PICALM: variants seen among roughly 807,000 people sequenced by gnomAD.
PICALM encodes phosphatidylinositol-binding clathrin assembly protein.
In PICALM, 40 loss-of-function variants were observed where a neutral mutation model predicts 80.5. That is an observed-to-expected ratio of 0.50 (90% CI 0.39 to 0.65). The LOEUF (loss-of-function observed/expected upper bound fraction) is 0.65, where lower values mean the gene tolerates loss of function less well. PICALM is among the 30% of genes least tolerant of loss of function. The pLI is 0.00. For missense variants in PICALM, 676 were observed against 778.9 expected, an observed-to-expected ratio of 0.87 and a Z score of 1.57; for synonymous variants, 288 against 260.3, an observed-to-expected ratio of 1.11 and a Z score of -1.02.
intron 13 of PICALM, 50 bp downstream of exon 13, chr11:85,990,200 G>A (rs1165983018): frequency 9.5e-7 from 1 of 1,055,246 alleles, no homozygotes; most frequent in Non-Finnish European, 1.4e-6. Context: ...GTAAAATATA[G>A]TTAGGCAGTA....
intron 8 of PICALM, among the ~76,000 whole-genome samples, chr11:86,004,599 C>T (rs2095237629): frequency 1.3e-5 from 2 of 151,780 alleles, no homozygotes; most frequent in Non-Finnish European, 2.9e-5. Context: ...CAAAAGGAAA[C>T]CTTTTCAGTG....
intron 2 of PICALM, among the ~76,000 whole-genome samples, chr11:86,028,692 T>A (rs1358760071): frequency 1.3e-5 from 2 of 152,160 alleles, no homozygotes; most frequent in Non-Finnish European, 2.9e-5. Flanking sequence ...CTGCCTCATG[T>A]TAAGGGTCTA....
chr11:86,007,332 A>G, intron 8 of PICALM: 1 of 318,784 alleles, frequency 3.1e-6, no homozygotes, highest in Non-Finnish European at 6.0e-6. Flanking sequence ...AAATGGTATG[A>G]CAGTGGGTAG....
At chr11:86,038,778 G>GAA (rs1186856161) in intron 1 of PICALM, among the ~76,000 whole-genome samples, 2 of 129,562 alleles carry the variant, frequency 1.5e-5, no homozygotes, top group African/African-American at 2.8e-5. Flanking sequence ...CTCCATCTCA[G>GAA]AAAAAAAAAA....
intron 16 of PICALM, among the ~76,000 whole-genome samples, 189 bp downstream of exon 16, chr11:85,981,556 G>T (rs1057150822): frequency 1.3e-5 from 2 of 151,296 alleles, no homozygotes. Flanking sequence ...GCAGTGGGCC[G>T]AGATTGCGCC....
chr11:86,053,362 T>A (rs543576409), intron 1 of PICALM, among the ~76,000 whole-genome samples: 1 of 152,242 alleles, frequency 6.6e-6, no homozygotes, highest in African/African-American at 2.4e-5. Flanking sequence ...AATCAGACTA[T>A]GTCTGGATGT....
intron 3 of PICALM, among the ~76,000 whole-genome samples, chr11:86,024,214 A>AT (rs1232984242): frequency 1.3e-5 from 2 of 151,694 alleles, no homozygotes; most frequent in Non-Finnish European, 2.9e-5. Context: ...TACTGTTTTA[A>AT]TTTTTTTTCC....
chr11:86,019,698 G>A (rs1046447779), intron 4 of PICALM, among the ~76,000 whole-genome samples: 2 of 152,068 alleles, frequency 1.3e-5, no homozygotes, highest in African/African-American at 2.4e-5. Context: ...TTTACTTTAG[G>A]TATATTCCAA....
chr11:85,959,953 T>A (rs921910526), intron 19 of PICALM, among the ~76,000 whole-genome samples: 2 of 152,134 alleles, frequency 1.3e-5, no homozygotes, highest in Non-Finnish European at 2.9e-5. Flanking sequence ...GACCTATTTT[T>A]TCATGACAAG....
At chr11:86,059,403 G>C (rs2137616005) in intron 1 of PICALM, among the ~76,000 whole-genome samples, 1 of 152,306 alleles carries the variant, frequency 6.6e-6, no homozygotes, top group East Asian at 1.9e-4. Context: ...CTCTATAAAT[G>C]GTGAGAATAA....
chr11:85,978,654 T>TA (rs1243953776), intron 17 of PICALM: 1 of 152,066 alleles, frequency 6.6e-6, no homozygotes, highest in Non-Finnish European at 1.5e-5. Context: ...CTCCATAAAA[T>TA]ACATATAAAT....
intron 13 of PICALM, among the ~76,000 whole-genome samples, chr11:85,987,023 G>A (rs1391083033): frequency 6.6e-6 from 1 of 152,150 alleles, no homozygotes; most frequent in Non-Finnish European, 1.5e-5. Context: ...CAAGCTTTGG[G>A]GACAGAAAGA....
At chr11:86,053,999 G>C (rs1242354769) in intron 1 of PICALM, among the ~76,000 whole-genome samples, 1 of 152,110 alleles carries the variant, frequency 6.6e-6, no homozygotes, top group Non-Finnish European at 1.5e-5. Flanking sequence ...ACTTCAAACT[G>C]ATTTAACAAA....
chr11:86,046,707 C>T (rs1192454733), intron 1 of PICALM, among the ~76,000 whole-genome samples: 1 of 152,192 alleles, frequency 6.6e-6, no homozygotes. Flanking sequence ...TTATAATGCA[C>T]ATATGATTTC....
chr11:86,056,274 C>G (rs1156681028), intron 1 of PICALM, among the ~76,000 whole-genome samples: 1 of 147,206 alleles, frequency 6.8e-6, no homozygotes. Context: ...ATATAAAGAT[C>G]TAGTATGTGA....
At chr11:85,973,410 AG>A (rs2094172206) in intron 19 of PICALM, among the ~76,000 whole-genome samples, 1 of 152,232 alleles carries the variant, frequency 6.6e-6, no homozygotes, top group African/African-American at 2.4e-5. Context: ...ATATTAAGAT[AG>A]TTCAAGAGAA....
chr11:86,042,893 G>C (rs1453001080), intron 1 of PICALM, among the ~76,000 whole-genome samples: 2 of 151,942 alleles, frequency 1.3e-5, no homozygotes, highest in African/African-American at 4.8e-5. Context: ...GTACTATAAA[G>C]GAAAAAACAT....
At position 86,022,432 on chromosome 11, in the gene PICALM, T is replaced by C. The variant is rs2095580301; in HGVS notation, c.387A>G (p.Arg129=). Residue 129 remains arginine (R), a synonymous_variant, in exon 4 of 20, where the codon AGA becomes AGG. Coordinates refer to ENST00000393346, the MANE Select transcript of PICALM (RefSeq NM_007166.4). The part of the protein sequence containing the change: ...DMSTFIRRYS[R]YLNEKAVSYR... ...ATGAAACTGCTTTCTCATTTAAATA[T>C]CTACTATACCGCCTAATAAATGTAG... The C allele has an allele frequency of 6.3e-7, 1 of 1,588,190 alleles. No homozygotes were observed.
chr11:85,990,398 A>G lies in PICALM; in HGVS notation c.1260T>C (p.Asp420=), dbSNP rs1342270091. 6.3e-7 allele frequency: 1 copy of G among 1,597,368 alleles called. No homozygotes were observed. Among genetic ancestry groups the G allele is most frequent in the Admixed American group, 1.7e-5 (1 of 59,562 alleles). The change falls in exon 13 of 20, where the codon GAT becomes GAC. Residue 420 remains aspartate (D), a splice_region_variant and synonymous_variant. Transcript: ENST00000393346. Reference sequence around the variant, plus strand: ...CAGCATCTACAGTAGCAGAGAAAGGATCTGTGCAGTCCAAATGTATTATAG... The same window carrying G: ...CAGCATCTACAGTAGCAGAGAAAGGGTCTGTGCAGTCCAAATGTATTATAG... ...TASQVASTWG[D]PFSATVDAVD...
Sources: allele counts gnomAD v4.1 joint callset (sites outside exome capture counted in the v4.1 genomes callset), GRCh38; gene constraint gnomAD v4.1.1; transcripts MANE v1.5; gene names NCBI Gene and HGNC (gene_info 2026-07-23, HGNC 2026-07-21).